Variants in KIF13B observed in about 807,000 individuals in gnomAD.
The protein encoded by KIF13B is kinesin-like protein KIF13B.
In KIF13B, 127 loss-of-function variants were observed where a neutral mutation model predicts 222.0. The observed-to-expected ratio is 0.57, with a 90% confidence interval of 0.50 to 0.66. KIF13B has a LOEUF of 0.66. KIF13B is among the 30% of genes least tolerant of loss of function. The pLI is 0.00. For missense variants in KIF13B, 2,173 were observed against 2,379.0 expected, an observed-to-expected ratio of 0.91 and a Z score of 1.80; for synonymous variants, 976 against 919.0, an observed-to-expected ratio of 1.06 and a Z score of -1.12.
chr8:29,075,131 G>A, intron 38 of KIF13B, 150 bp downstream of exon 38: 2 of 669,338 alleles, frequency 3.0e-6, no homozygotes, highest in South Asian at 3.4e-5. Context: ...AAGGAAAATA[G>A]AGAGGGAGAA....
intron 2 of KIF13B, among the ~76,000 whole-genome samples, chr8:29,243,279 C>A (rs1055832192): frequency 3.4e-5 from 5 of 148,372 alleles, no homozygotes; most frequent in Non-Finnish European, 7.4e-5. Context: ...CCTGGTGGGG[C>A]GGAGGTTGCA....
rs147475111 is a variant in KIF13B at position 29,143,129 on chromosome 8, T to C, written c.2188-826A>G. Among the ~76,000 whole-genome samples, 821 of 152,262 alleles carry C rather than the reference T, an allele frequency of 5.4e-3. 3 individuals are homozygous for C. The highest frequency in any genetic ancestry group is 0.019 in the African/African-American group (778 of 41,566). On this transcript the variant is annotated intron_variant, in intron 18 of 39. Coordinates refer to ENST00000524189, the MANE Select transcript of KIF13B (RefSeq NM_015254.4). Reference sequence around the variant, plus strand: ...TCAGCCTCCCAAAGCACAGGGATTATAGGCATGAGCCACCACATTTAAATT... The same window carrying C: ...TCAGCCTCCCAAAGCACAGGGATTACAGGCATGAGCCACCACATTTAAATT...
In KIF13B at chr8:29,245,365, G is replaced by A. The variant is rs1458974369; in HGVS notation, c.130C>T (p.Leu44Phe). The A allele has an allele frequency of 6.3e-7, 1 of 1,597,676 alleles. No individual in the cohort carries two copies. Residue 44 changes from leucine to phenylalanine, a missense_variant, in exon 2 of 40, where the codon CTT (leucine) becomes TTT (phenylalanine). Leu to Phe is a conservative substitution (Grantham distance 22). Transcript: ENST00000524189. ...ACTCACCGGGCATCTCCTTTGGAAA[G>A]ATTCGTATTTACAGGATTAAGAATA... Reference protein sequence around the residue: ...KVILNPVNTNLSKGDARGQPK... With the variant: ...KVILNPVNTNFSKGDARGQPK...
At chr8:29,097,955 A>C (rs1283666836) in intron 36 of KIF13B, among the ~76,000 whole-genome samples, 1 of 151,024 alleles carries the variant, frequency 6.6e-6, no homozygotes, top group African/African-American at 2.4e-5. Context: ...GCAGATCACA[A>C]GGTCAGGAGA....
chr8:29,182,902 G>C (rs1181651752), intron 6 of KIF13B, among the ~76,000 whole-genome samples: 1 of 152,016 alleles, frequency 6.6e-6, no homozygotes, highest in East Asian at 1.9e-4. Flanking sequence ...AAAATGGTAA[G>C]TGTGTGAGGT....
chr8:29,175,185 T>G (rs1305378287), intron 10 of KIF13B, among the ~76,000 whole-genome samples: 2 of 152,174 alleles, frequency 1.3e-5, no homozygotes, highest in African/African-American at 2.4e-5. Flanking sequence ...ATGGGTTAAA[T>G]TGTCACTGCA....
At chr8:29,210,674 A>G (rs1814180613) in intron 2 of KIF13B, among the ~76,000 whole-genome samples, 1 of 152,232 alleles carries the variant, frequency 6.6e-6, no homozygotes, top group African/African-American at 2.4e-5. Flanking sequence ...GTGATTCAAA[A>G]TAAAATAACA....
intron 21 of KIF13B, among the ~76,000 whole-genome samples, chr8:29,135,573 T>C (rs1280611066): frequency 6.6e-6 from 1 of 152,178 alleles, no homozygotes; most frequent in Admixed American, 6.5e-5. Flanking sequence ...TTAATGAAAA[T>C]AAATCTGAAT....
chr8:29,095,992 T>C (rs1022299222), intron 36 of KIF13B, among the ~76,000 whole-genome samples: 13 of 151,720 alleles, frequency 8.6e-5, no homozygotes, highest in Non-Finnish European at 1.8e-4. Context: ...TTTTGTTTTT[T>C]TTTTTTTAAG....
rs956525617 is a variant in KIF13B, at chr8:29,177,683, C to T, written c.721-105G>A. The T allele has an allele frequency of 1.0e-5, 8 of 777,360 alleles. No homozygotes were observed. In the Admixed American group the frequency reaches 1.4e-4, roughly 14 times the overall value. The allele number at this position is 777,360 out of a possible 1,614,324, so 48.2% of individuals were successfully genotyped here. A position where few individuals can be genotyped will look rare whatever the true frequency, so the allele number is the denominator to read the frequency against. ...TTGGGAGGACAAGGAAGGAGGATCA[C>T]CTGAGCCCAGGATTTCAAAAACAGC... is the stretch of plus-strand genomic sequence containing the variant. On this transcript the variant is annotated intron_variant, in intron 8 of 39. Coordinates refer to ENST00000524189, the MANE Select transcript of KIF13B (RefSeq NM_015254.4).
chr8:29,115,601 C>T (rs1414232479), intron 31 of KIF13B, among the ~76,000 whole-genome samples: 1 of 152,208 alleles, frequency 6.6e-6, no homozygotes, highest in African/African-American at 2.4e-5. Context: ...GTTGGGATTA[C>T]AGGCATAAGC....
rs375262006 is a variant in KIF13B, at chr8:29,171,116, A to T, written c.946-3531T>A. Among the ~76,000 whole-genome samples the T allele has an allele frequency of 3.9e-5, 6 of 152,358 alleles. No homozygotes were observed. In the South Asian group the frequency reaches 6.2e-4, roughly 16 times the overall value. ...CCTTCATTAGGGAGGTGGCAGTAGG[A>T]ACGAAAAGAGGGAGATGAATTAGAA... On this transcript the variant is annotated intron_variant, in intron 10 of 39. Transcript: ENST00000524189.
chr8:29,187,164 C>T (rs997643058), intron 5 of KIF13B, among the ~76,000 whole-genome samples: 5 of 152,100 alleles, frequency 3.3e-5, no homozygotes, highest in Non-Finnish European at 7.3e-5. Context: ...CTGTGGACCC[C>T]AGAGCAAATT....
intron 11 of KIF13B, 80 bp downstream of exon 11, chr8:29,167,293 C>T (rs1812045595): frequency 2.5e-6 from 3 of 1,201,432 alleles, no homozygotes; most frequent in African/African-American, 1.5e-5. Context: ...TCATCCCTCA[C>T]AGCCCAGGGG....
rs1236344519 is a variant in KIF13B, at chr8:29,071,911, C to A, written c.4927G>T (p.Gly1643Cys). 6.9e-7 allele frequency: 1 copy of A among 1,448,504 alleles called. No homozygotes were observed. The highest frequency in any genetic ancestry group is 9.0e-7 in the Non-Finnish European group (1 of 1,113,200). 89.7% of individuals were successfully genotyped at this position (1,448,504 alleles called of 1,614,324 possible). ...ACCCTCCGGACGCGGAACGGGGAGC[C>A]GGGCGCCGGGGCCTCGAGGTCGGGG... Reference protein sequence around the residue: ...ERPDLEAPAPGSPFRVRRVRA... With the variant: ...ERPDLEAPAPCSPFRVRRVRA... The change falls in exon 39 of 40, where the codon GGC becomes TGC. Residue 1643 changes from glycine (G) to cysteine (C), a missense_variant. By Grantham distance (159) the Gly-to-Cys change is radical. This residue lies in a region of KIF13B where 693 missense variants were observed against 656.2 expected (regional missense o/e 1.06). Transcript: ENST00000524189. This position sits in a 1 kb window ranked among gnomAD's most constrained non-coding sequence, Gnocchi z 4.9.
intron 6 of KIF13B, among the ~76,000 whole-genome samples, chr8:29,184,635 G>T: frequency 6.6e-6 from 1 of 152,140 alleles, no homozygotes; most frequent in East Asian, 1.9e-4. Flanking sequence ...CCGTAAGTAA[G>T]CTGTTAATTA....
chr8:29,197,141 T>G (rs1321943344), intron 2 of KIF13B, among the ~76,000 whole-genome samples: 1 of 151,094 alleles, frequency 6.6e-6, no homozygotes, highest in Non-Finnish European at 1.5e-5. Flanking sequence ...ATCGAGACCA[T>G]CCCGGCTAAA....
In KIF13B at chr8:29,107,850, G is replaced by A. The variant is rs184975093; in HGVS notation, c.4215+289C>T. 1.7e-3 allele frequency among the ~76,000 whole-genome samples: 262 copies of A among 152,290 alleles called. 1 individual carries two copies. The highest frequency in any genetic ancestry group is 2.4e-3 in the Non-Finnish European group (164 of 68,030). On this transcript the variant is annotated intron_variant, in intron 35 of 39. Transcript: ENST00000524189. ...GCTGGGATTACATACGTGAGCCACT[G>A]CGCCCAGCCTGAAGTTTCTTTTCTG...
intron 10 of KIF13B, 138 bp downstream of exon 10, chr8:29,175,930 A>G (rs1003342227): frequency 1.5e-6 from 1 of 649,332 alleles, no homozygotes; most frequent in African/African-American, 1.8e-5. Context: ...AAATGTCATT[A>G]CCATAAGAGC....
Sources: allele counts gnomAD v4.1 joint callset (sites outside exome capture counted in the v4.1 genomes callset), GRCh38; gene constraint gnomAD v4.1.1; regional missense constraint gnomAD v4.1.1; non-coding constraint Gnocchi (gnomAD v3.1); transcripts MANE v1.5; gene names NCBI Gene and HGNC (gene_info 2026-07-23, HGNC 2026-07-21).